Variants in OPCML observed in about 807,000 individuals in gnomAD.
OPCML encodes the protein opioid-binding protein/cell adhesion molecule.
Under a neutral mutation model 37.8 loss-of-function variants are expected in OPCML, and 13 were observed. The ratio of observed to expected loss-of-function variants is 0.34; its 90% confidence interval spans 0.22 to 0.55. The LOEUF (loss-of-function observed/expected upper bound fraction) is 0.55. Ranked by LOEUF, OPCML falls within the 20% of genes least tolerant of loss-of-function variation. The pLI is 0.91. For missense variants in OPCML, 341 were observed against 435.6 expected (o/e 0.78, Z 1.93); for synonymous variants, 176 against 168.8 (o/e 1.04, Z -0.33).
At chr11:132,674,015 T>C (rs947951335) in intron 2 of OPCML, among the ~76,000 whole-genome samples, 6 of 152,302 alleles carry the variant, frequency 3.9e-5, no homozygotes, top group Non-Finnish European at 7.3e-5. Context: ...AAAATGTATA[T>C]TGAAAGCATA....
At chr11:133,384,351 C>T (rs1325734960) in intron 1 of OPCML, among the ~76,000 whole-genome samples, 1 of 151,852 alleles carries the variant, frequency 6.6e-6, no homozygotes. Flanking sequence ...GTGTCAACCT[C>T]TCCCTTCCAA....
At chr11:132,696,099 A>AAAAT (rs908255778) in intron 2 of OPCML, among the ~76,000 whole-genome samples, 37 of 152,304 alleles carry the variant, frequency 2.4e-4, no homozygotes, top group Admixed American at 6.5e-4. Flanking sequence ...GTTTCTTTTA[A>AAAAT]AAATAAATAA....
At chr11:133,253,091 A>G (rs2136438110) in intron 1 of OPCML, among the ~76,000 whole-genome samples, 1 of 148,944 alleles carries the variant, frequency 6.7e-6, no homozygotes, top group South Asian at 2.1e-4. Context: ...GCTTTCAGTG[A>G]GCTGAGAGCA....
chr11:133,155,868 C>G (rs1290997576), intron 1 of OPCML, among the ~76,000 whole-genome samples: 3 of 152,166 alleles, frequency 2.0e-5, no homozygotes, highest in Non-Finnish European at 4.4e-5. Flanking sequence ...CTGCTCACCT[C>G]TTCCTCTCAC....
intron 2 of OPCML, among the ~76,000 whole-genome samples, chr11:132,803,240 C>T (rs1017631819): frequency 6.6e-6 from 1 of 152,168 alleles, no homozygotes; most frequent in Admixed American, 6.5e-5. Context: ...TATTAAATTA[C>T]CCTTAGAAAT....
At chr11:133,015,695 A>C (rs1947320039) in intron 1 of OPCML, among the ~76,000 whole-genome samples, 1 of 152,304 alleles carries the variant, frequency 6.6e-6, no homozygotes, top group East Asian at 1.9e-4. Flanking sequence ...AAATCCTTCC[A>C]CATACTGACT....
chr11:133,176,925 T>G (rs1937609879), intron 1 of OPCML, among the ~76,000 whole-genome samples: 1 of 152,176 alleles, frequency 6.6e-6, no homozygotes, highest in African/African-American at 2.4e-5. Context: ...AGCAGAGCTG[T>G]GTAGCACCCT....
At chr11:133,385,990 A>C (rs1011793792) in intron 1 of OPCML, among the ~76,000 whole-genome samples, 1 of 151,720 alleles carries the variant, frequency 6.6e-6, no homozygotes, top group Admixed American at 6.6e-5. Context: ...AATTCTAAAC[A>C]TTGCTTCAAG....
chr11:133,317,135 T>C (rs1403984834), intron 1 of OPCML, among the ~76,000 whole-genome samples: 1 of 152,182 alleles, frequency 6.6e-6, no homozygotes, highest in East Asian at 1.9e-4. Context: ...AGGCGGAGGT[T>C]GCAGTGAGCC....
intron 1 of OPCML, among the ~76,000 whole-genome samples, chr11:132,975,146 T>A (rs1174580406): frequency 6.6e-6 from 1 of 151,574 alleles, no homozygotes; most frequent in East Asian, 2.0e-4. Context: ...ATAGACCAAG[T>A]CTATATTGAC....
intron 1 of OPCML, among the ~76,000 whole-genome samples, chr11:132,967,941 C>T (rs1227816487): frequency 9.9e-5 from 15 of 152,078 alleles, no homozygotes; most frequent in Non-Finnish European, 1.5e-5. Context: ...AAACTTGAAA[C>T]GAAGGCACAT....
At chr11:132,605,624 ATTTTT>A (rs147882174) in intron 3 of OPCML, among the ~76,000 whole-genome samples, 16,771 of 151,816 alleles carry the variant, frequency 0.11, 1,531 homozygotes, top group African/African-American at 0.23. Context: ...TCCTTCCTTC[ATTTTT>A]TGTTTTGGCT....
intron 3 of OPCML, among the ~76,000 whole-genome samples, chr11:132,564,177 G>T (rs865790485): frequency 6.6e-6 from 1 of 152,192 alleles, no homozygotes; most frequent in East Asian, 1.9e-4. Context: ...TGGTCACCCT[G>T]GCCATTGTGG....
At chr11:133,022,953 G>A (rs1025539220) in intron 1 of OPCML, among the ~76,000 whole-genome samples, 8 of 152,296 alleles carry the variant, frequency 5.3e-5, no homozygotes, top group African/African-American at 1.9e-4. Context: ...TTTTGCTGCT[G>A]AGCCTGCTCA....
In OPCML at chr11:133,458,634, TATATACACATA is replaced by T. The variant is rs1946771125; in HGVS notation, c.61+73619_61+73629del. Among the ~76,000 whole-genome samples, 15 of 109,866 alleles carry T rather than the reference TATATACACATA, an allele frequency of 1.4e-4. No homozygotes were observed. The East Asian group carries it at 2.1e-3, about 16-fold the overall frequency. 72.1% of individuals were successfully genotyped at this position (109,866 alleles called of 152,430 possible). ...ATACACATATATACACGTGTGTGTGTATATACACATAGATGCACGTGTGTGTGTATATATAC... is the reference window on the plus strand; with the variant it reads ...ATACACATATATACACGTGTGTGTGTGATGCACGTGTGTGTGTATATATAC... On this transcript the variant is annotated intron_variant, in intron 1 of 7. Transcript: ENST00000524381.
chr11:133,529,596 T>C (rs899288645), intron 1 of OPCML, among the ~76,000 whole-genome samples: 7 of 152,226 alleles, frequency 4.6e-5, no homozygotes, highest in Admixed American at 4.6e-4. Flanking sequence ...AGCATTAACC[T>C]TAAAATTACT....
At chr11:132,649,081 C>G (rs1941301897) in intron 3 of OPCML, among the ~76,000 whole-genome samples, 1 of 151,996 alleles carries the variant, frequency 6.6e-6, no homozygotes. Context: ...ACAGAAGAAA[C>G]AGACAAAACC....
Position 133,205,185 on chromosome 11 carries a change from C to A in OPCML, c.62-262175G>T, listed in dbSNP as rs1006490039. On this transcript the variant is annotated intron_variant, in intron 1 of 7. Transcript: ENST00000524381. The surrounding 1 kb of genome is among the most constrained non-coding windows in gnomAD (Gnocchi z 4.8). Reference sequence around the variant, plus strand: ...CTAATGATGTAATCAATTATGGCAACCTAATGAAGCTTTGATAAAAAACCC... The same window carrying A: ...CTAATGATGTAATCAATTATGGCAAACTAATGAAGCTTTGATAAAAAACCC... Among the ~76,000 whole-genome samples, 3 of 151,850 alleles carry A rather than the reference C, an allele frequency of 2.0e-5. No individual in the cohort carries two copies. The highest frequency in any genetic ancestry group is 7.3e-5 in the African/African-American group (3 of 41,324).
chr11:133,490,198 C>T lies in OPCML; in HGVS notation c.61+42066G>A, dbSNP rs887375903. ...CCAGGACGCATGCAAGAGAAAAGTT[C>T]TGAGGGTGAGAATAAAAACAAAGTG... On this transcript the variant is annotated intron_variant, in intron 1 of 7. Transcript: ENST00000524381. Among the ~76,000 whole-genome samples the T allele has an allele frequency of 2.6e-5, 4 of 152,236 alleles. No homozygotes were observed. The South Asian group carries it at 6.2e-4, about 24-fold the overall frequency.
Sources: allele counts gnomAD v4.1 joint callset (sites outside exome capture counted in the v4.1 genomes callset), GRCh38; gene constraint gnomAD v4.1.1; non-coding constraint Gnocchi (gnomAD v3.1); transcripts MANE v1.5; gene names NCBI Gene and HGNC (gene_info 2026-07-23, HGNC 2026-07-21).